LAMA2: variants seen among roughly 807,000 people sequenced by gnomAD.
The protein encoded by LAMA2 is laminin subunit alpha 2.
A neutral mutation model predicts 364.8 loss-of-function variants in LAMA2; 269 were observed. The observed-to-expected ratio is 0.74, with a 90% CI of 0.67 to 0.82. LAMA2 has a LOEUF of 0.82. LAMA2 is among the 40% of genes least tolerant of loss of function. The pLI, the probability that LAMA2 is intolerant of heterozygous loss-of-function variation, is 0.00. For synonymous variants in LAMA2, 1,379 were observed against 1,370.6 expected, an observed-to-expected ratio of 1.01 and a Z score of -0.14; for missense variants, 3,807 against 3,873.2, an observed-to-expected ratio of 0.98 and a Z score of 0.45.
At chr6:129,450,289 G>GTTTGTTTTGTTTTGTTTTGT (rs71028162) in intron 45 of LAMA2, among the ~76,000 whole-genome samples, 8 of 149,500 alleles carry the variant, frequency 5.4e-5, no homozygotes, top group Non-Finnish European at 8.9e-5. Flanking sequence ...CAATTGTGTT[G>GTTTGTTTTGTTTTGTTTTGT]TTTGTTTTGT....
intron 51 of LAMA2, among the ~76,000 whole-genome samples, chr6:129,468,812 T>C (rs541337759): frequency 2.0e-5 from 3 of 152,032 alleles, no homozygotes; most frequent in African/African-American, 7.2e-5. Flanking sequence ...TGAAGATGCA[T>C]ACGGTTCCTA....
At chr6:129,512,747 A>G (rs1172852482) in intron 63 of LAMA2, among the ~76,000 whole-genome samples, 1 of 152,146 alleles carries the variant, frequency 6.6e-6, no homozygotes, top group Non-Finnish European at 1.5e-5. Flanking sequence ...TGAACCAAAT[A>G]GTTTGAGATC....
intron 1 of LAMA2, among the ~76,000 whole-genome samples, chr6:128,928,607 T>G (rs1457305012): frequency 2.6e-5 from 4 of 152,212 alleles, no homozygotes; most frequent in Non-Finnish European, 5.9e-5. Flanking sequence ...GAATTCCTAT[T>G]GGGGCTGTGC....
Position 129,252,078 on chromosome 6 carries a change from C to T in LAMA2, c.1885-6C>T, listed in dbSNP as rs1007580730. ...TCTTTTTTATTTCTTTTTTTTCCCC[C>T]TTTAGGGTAATGACTTGAGCATCAG... On this transcript the variant is annotated splice_polypyrimidine_tract_variant and splice_region_variant and intron_variant, in intron 13 of 64. Coordinates refer to ENST00000421865, the MANE Select transcript of LAMA2 (RefSeq NM_000426.4). 3.1e-6 allele frequency: 5 copies of T among 1,605,184 alleles called. No individual in the cohort carries two copies. Among genetic ancestry groups the T allele is most frequent in the Non-Finnish European group, 4.3e-6 (5 of 1,172,930 alleles).
rs780496890 is a variant in LAMA2 at position 129,473,284 on chromosome 6, CT to C, written c.7374del (p.Phe2458LeufsTer5). ...TAGCAACTTCGTCTTCTGGAAACAA[CT>C]TTGGTCTTGACTTGAAAGCAGATGA... ...NIATSSSGNN[F>X]GLDLKADDKI... is the part of the protein sequence containing the mutation. On this transcript the variant is annotated frameshift_variant, in exon 52 of 65. Coordinates refer to ENST00000421865, the MANE Select transcript of LAMA2 (RefSeq NM_000426.4). LOFTEE classifies it high-confidence loss of function. 1.2e-6 allele frequency: 2 copies of C among 1,611,842 alleles called. No individual in the cohort carries two copies. Among genetic ancestry groups the C allele is most frequent in the Admixed American group, 1.7e-5 (1 of 59,910 alleles).
chr6:129,513,114 A>G (rs1387833265), intron 63 of LAMA2, among the ~76,000 whole-genome samples: 1 of 152,196 alleles, frequency 6.6e-6, no homozygotes, highest in Non-Finnish European at 1.5e-5. Flanking sequence ...AAAACAAGAA[A>G]TTTCACAAGT....
chr6:129,342,563 A>G (rs1776328651), intron 30 of LAMA2, 96 bp downstream of exon 30: 1 of 1,199,658 alleles, frequency 8.3e-7, no homozygotes, highest in African/African-American at 1.5e-5. Context: ...CCATGTAGAC[A>G]AAAATCTCAA....
intron 4 of LAMA2, among the ~76,000 whole-genome samples, chr6:129,100,060 T>C (rs1043878268): frequency 2.0e-5 from 3 of 152,220 alleles, no homozygotes; most frequent in African/African-American, 7.2e-5. Context: ...TAAAAATGAT[T>C]CAATTCAGAA....
intron 4 of LAMA2, among the ~76,000 whole-genome samples, chr6:129,109,984 T>A (rs1776052518): frequency 6.6e-6 from 1 of 152,050 alleles, no homozygotes; most frequent in African/African-American, 2.4e-5. Flanking sequence ...AAACTTCAGA[T>A]TTCATTGTGT....
intron 1 of LAMA2, among the ~76,000 whole-genome samples, chr6:129,007,375 G>A (rs976349505): frequency 7.2e-5 from 11 of 152,124 alleles, no homozygotes; most frequent in African/African-American, 2.7e-4. Context: ...GCACCACATA[G>A]TGTGTGCCAG....
At chr6:129,512,550 A>G in intron 63 of LAMA2, 57 bp downstream of exon 63, 2 of 1,582,686 alleles carry the variant, frequency 1.3e-6, no homozygotes, top group South Asian at 2.2e-5. Context: ...TGATGTGTAG[A>G]TATCATCCAT....
chr6:129,297,296 GAT>G (rs1316354798), intron 20 of LAMA2, among the ~76,000 whole-genome samples: 1 of 152,246 alleles, frequency 6.6e-6, no homozygotes, highest in East Asian at 1.9e-4. Flanking sequence ...GGAGTCCATA[GAT>G]CTGAAAGTAA....
intron 17 of LAMA2, among the ~76,000 whole-genome samples, chr6:129,276,838 C>CAGAT (rs1562406090): frequency 2.0e-5 from 3 of 151,870 alleles, no homozygotes; most frequent in Non-Finnish European, 4.4e-5. Flanking sequence ...CATATTTTGA[C>CAGAT]AGATAGAATT....
intron 12 of LAMA2, among the ~76,000 whole-genome samples, chr6:129,204,917 G>A (rs974463963): frequency 6.6e-6 from 1 of 152,124 alleles, no homozygotes; most frequent in Non-Finnish European, 1.5e-5. Context: ...GCTCTTAAAT[G>A]TATGAAACGG....
intron 1 of LAMA2, among the ~76,000 whole-genome samples, chr6:128,962,585 T>A (rs1781602785): frequency 6.6e-6 from 1 of 152,108 alleles, no homozygotes; most frequent in Non-Finnish European, 1.5e-5. Context: ...AGAAGTTAGG[T>A]AGTACCTTTT....
At chr6:129,089,696 T>G (rs748588764) in intron 3 of LAMA2, among the ~76,000 whole-genome samples, 4 of 152,204 alleles carry the variant, frequency 2.6e-5, no homozygotes, top group Non-Finnish European at 4.4e-5. Context: ...TCAAGGGTAG[T>G]GCTAAAGACA....
intron 40 of LAMA2, among the ~76,000 whole-genome samples, chr6:129,411,314 C>G (rs1223748264): frequency 1.3e-5 from 2 of 151,986 alleles, no homozygotes; most frequent in Admixed American, 6.6e-5. Flanking sequence ...TTAGGCATTT[C>G]TAGGAAAAAT....
intron 15 of LAMA2, among the ~76,000 whole-genome samples, chr6:129,264,223 A>G (rs1054652252): frequency 1.3e-4 from 20 of 152,184 alleles, no homozygotes; most frequent in Non-Finnish European, 1.6e-4. Context: ...TTCTATATAT[A>G]TTTTGATAGT....
chr6:129,114,717 G>T (rs1339185667), intron 4 of LAMA2, among the ~76,000 whole-genome samples: 1 of 151,810 alleles, frequency 6.6e-6, no homozygotes, highest in African/African-American at 2.4e-5. Context: ...AAAGCTTTTG[G>T]GTTCCATGAG....
Sources: allele counts gnomAD v4.1 joint callset (sites outside exome capture counted in the v4.1 genomes callset), GRCh38; gene constraint gnomAD v4.1.1; transcripts MANE v1.5; gene names NCBI Gene and HGNC (gene_info 2026-07-23, HGNC 2026-07-21).